KCNQ5: variants seen among roughly 807,000 people sequenced by gnomAD.
The protein encoded by KCNQ5 is potassium voltage-gated channel subfamily Q member 5.
KCNQ5 carries 30 observed loss-of-function variants against 98.2 expected under a neutral mutation model. That is an observed-to-expected ratio of 0.31 (90% CI 0.23 to 0.41). The LOEUF (loss-of-function observed/expected upper bound fraction) is 0.41, where lower values mean the gene tolerates loss of function less well. KCNQ5 is among the 10% of genes least tolerant of loss of function. The pLI is 1.00. For missense variants in KCNQ5, 835 were observed against 1,182.5 expected (o/e 0.71, Z 4.31); for synonymous variants, 458 against 449.4 (o/e 1.02, Z -0.24).
At chr6:72,842,593 C>T (rs1776843528) in intron 1 of KCNQ5, among the ~76,000 whole-genome samples, 2 of 152,128 alleles carry the variant, frequency 1.3e-5, no homozygotes, top group African/African-American at 4.8e-5. Context: ...CTAATTTACA[C>T]TCCTACCAAC....
At chr6:72,694,836 T>C (rs1768401956) in intron 1 of KCNQ5, among the ~76,000 whole-genome samples, 2 of 152,196 alleles carry the variant, frequency 1.3e-5, no homozygotes, top group Non-Finnish European at 2.9e-5. Context: ...CTGAGCATAG[T>C]ACCCAACAGT....
At chr6:72,832,538 G>A (rs186752986) in intron 1 of KCNQ5, among the ~76,000 whole-genome samples, 259 of 152,238 alleles carry the variant, frequency 1.7e-3, no homozygotes, top group Non-Finnish European at 2.4e-3. Context: ...CAGTGCCAAG[G>A]TTAGAAACAC....
At chr6:72,641,279 T>C (rs1219061955) in intron 1 of KCNQ5, among the ~76,000 whole-genome samples, 1 of 152,088 alleles carries the variant, frequency 6.6e-6, no homozygotes, top group East Asian at 1.9e-4. Flanking sequence ...AAATGTTACA[T>C]GAGGAATCCA....
chr6:72,642,905 A>G (rs1377113467), intron 1 of KCNQ5, among the ~76,000 whole-genome samples: 1 of 152,216 alleles, frequency 6.6e-6, no homozygotes, highest in East Asian at 1.9e-4. Flanking sequence ...TGGTACATGT[A>G]TTCTATGGAC....
At chr6:72,783,757 G>A (rs1773601143) in intron 1 of KCNQ5, among the ~76,000 whole-genome samples, 1 of 152,170 alleles carries the variant, frequency 6.6e-6, no homozygotes, top group Admixed American at 6.5e-5. Context: ...ACAGCTTGAG[G>A]GGAAAAAGAC....
At chr6:73,122,927 G>A (rs545577723) in intron 8 of KCNQ5, among the ~76,000 whole-genome samples, 5 of 152,276 alleles carry the variant, frequency 3.3e-5, no homozygotes, top group South Asian at 2.1e-4. Flanking sequence ...GTGGCTTACC[G>A]AATGGAGAGT....
intron 1 of KCNQ5, among the ~76,000 whole-genome samples, chr6:72,985,290 T>A (rs1383293234): frequency 6.6e-6 from 1 of 152,206 alleles, no homozygotes; most frequent in Non-Finnish European, 1.5e-5. Flanking sequence ...AGAACTCAGA[T>A]TTTTTACTCT....
At chr6:72,889,100 T>A (rs1018906197) in intron 1 of KCNQ5, among the ~76,000 whole-genome samples, 2 of 152,122 alleles carry the variant, frequency 1.3e-5, no homozygotes, top group East Asian at 3.9e-4. Context: ...AAAGAAAAGA[T>A]TACAATTTTT....
chr6:72,933,556 A>G (rs574304968), intron 1 of KCNQ5, among the ~76,000 whole-genome samples: 1 of 152,298 alleles, frequency 6.6e-6, no homozygotes, highest in East Asian at 1.9e-4. Flanking sequence ...GTCATCTGTC[A>G]CAGGTAATTC....
intron 1 of KCNQ5, among the ~76,000 whole-genome samples, chr6:72,847,459 CAG>C (rs1293954679): frequency 2.6e-5 from 4 of 152,224 alleles, no homozygotes; most frequent in Admixed American, 6.5e-5. Flanking sequence ...CTGCATCCAA[CAG>C]AGTCTTTATA....
intron 2 of KCNQ5, 96 bp downstream of exon 2, chr6:73,004,094 T>TA: frequency 3.0e-6 from 2 of 672,456 alleles, no homozygotes; most frequent in Non-Finnish European, 5.2e-6. Context: ...AAATCCTATC[T>TA]AAAAAAGAGT....
chr6:73,195,336 G>C lies in KCNQ5; in HGVS notation c.2721G>C (p.Arg907Ser), dbSNP rs150944490. 1 of 1,614,058 alleles carries C rather than the reference G, an allele frequency of 6.2e-7. No homozygotes were observed. The highest frequency in any genetic ancestry group is 8.5e-7 in the Non-Finnish European group (1 of 1,180,044). The change falls in exon 14 of 14, where the codon AGG becomes AGC. Residue 907 changes from arginine (R) to serine (S), a missense_variant. By Grantham distance (110) the Arg-to-Ser change is moderately radical. Coordinates refer to ENST00000370398, the MANE Select transcript of KCNQ5 (RefSeq NM_019842.4). ...AFASDSLRTG[R>S]SRSSQSICKA... Reference sequence around the variant, plus strand: ...CATCAGACTCTCTAAGGACTGGAAGGTCACGATCATCTCAGAGCATTTGTA... The same window carrying C: ...CATCAGACTCTCTAAGGACTGGAAGCTCACGATCATCTCAGAGCATTTGTA...
At chr6:72,980,942 G>A (rs1768410669) in intron 1 of KCNQ5, among the ~76,000 whole-genome samples, 2 of 152,110 alleles carry the variant, frequency 1.3e-5, no homozygotes. Flanking sequence ...CTTTGATTCT[G>A]TTTATGTGAT....
chr6:72,935,164 A>G (rs956395320), intron 1 of KCNQ5, among the ~76,000 whole-genome samples: 10 of 138,012 alleles, frequency 7.2e-5, no homozygotes, highest in Non-Finnish European at 1.5e-4. Context: ...TCCACCTCCC[A>G]GGTTCAAGCG....
rs146630148 is a variant in KCNQ5 at position 72,707,336 on chromosome 6, T to C, written c.398+84749T>C. 9.2e-5 allele frequency among the ~76,000 whole-genome samples: 14 copies of C among 152,330 alleles called. No homozygotes were observed. In the East Asian group the frequency reaches 1.2e-3, roughly 13 times the overall value. On this transcript the variant is annotated intron_variant, in intron 1 of 13. Coordinates refer to ENST00000370398, the MANE Select transcript of KCNQ5 (RefSeq NM_019842.4). ...TAATATAAATCAGTACTAATTTGTATTGATAATAGGGATGTTCTGTATGTG... is the reference window on the plus strand; with the variant it reads ...TAATATAAATCAGTACTAATTTGTACTGATAATAGGGATGTTCTGTATGTG...
intron 10 of KCNQ5, among the ~76,000 whole-genome samples, chr6:73,149,812 G>C (rs1777077496): frequency 6.9e-6 from 1 of 145,688 alleles, no homozygotes; most frequent in African/African-American, 2.7e-5. Context: ...AAAAAAGAGA[G>C]AGAGAGAGAG....
chr6:73,158,801 C>T (rs1370207561), intron 10 of KCNQ5, among the ~76,000 whole-genome samples: 1 of 152,072 alleles, frequency 6.6e-6, no homozygotes, highest in Non-Finnish European at 1.5e-5. Context: ...TAAGTAGTTT[C>T]ATATTTTAAT....
chr6:72,863,620 T>C (rs1055379985), intron 1 of KCNQ5, among the ~76,000 whole-genome samples: 1 of 152,138 alleles, frequency 6.6e-6, no homozygotes, highest in Non-Finnish European at 1.5e-5. Context: ...AAATAGCTCA[T>C]GATAGGTAAT....
In KCNQ5 at chr6:72,803,843, C is replaced by T. The variant is rs1366792281; in HGVS notation, c.398+181256C>T. Among the ~76,000 whole-genome samples, 5 of 152,088 alleles carry T rather than the reference C, an allele frequency of 3.3e-5. No individual in the cohort carries two copies. In the East Asian group the frequency reaches 9.6e-4, roughly 29 times the overall value. ...TTCTTCTAAACTGTTATAAATAATA[C>T]TTTTGTTTGTGAGTAATATAAGCCC... On this transcript the variant is annotated intron_variant, in intron 1 of 13. Coordinates refer to ENST00000370398, the MANE Select transcript of KCNQ5 (RefSeq NM_019842.4).
Sources: gnomAD v4.1 joint callset for allele counts (sites outside exome capture counted in the v4.1 genomes callset) on GRCh38, gnomAD v4.1.1 for gene constraint, MANE v1.5 for transcripts, NCBI Gene and HGNC (gene_info 2026-07-23, HGNC 2026-07-21) for gene names.